The following CSNK2A1 variants were observed in gnomAD, a reference collection of about 807,000 sequenced individuals.
CSNK2A1 encodes the protein casein kinase II subunit alpha.
CSNK2A1 carries 10 observed loss-of-function variants against 62.9 expected under a neutral mutation model. The observed-to-expected ratio is 0.16, with a 90% CI of 0.10 to 0.27. The LOEUF is 0.27. CSNK2A1 is among the 10% of genes least tolerant of loss of function. CSNK2A1 has a pLI of 1.00. For missense variants in CSNK2A1, 160 were observed against 492.0 expected, an observed-to-expected ratio of 0.33 and a Z score of 6.38; for synonymous variants, 124 against 167.8, an observed-to-expected ratio of 0.74 and a Z score of 2.02.
chr20:522,119 T>C (rs1049384674), intron 2 of CSNK2A1, among the ~76,000 whole-genome samples: 1 of 152,208 alleles, frequency 6.6e-6, no homozygotes, highest in African/African-American at 2.4e-5. Flanking sequence ...AGGAGAACCC[T>C]ATTGTGAACT....
intron 2 of CSNK2A1, among the ~76,000 whole-genome samples, chr20:524,197 G>A (rs2019016475): frequency 6.6e-6 from 1 of 151,798 alleles, no homozygotes; most frequent in Non-Finnish European, 1.5e-5. Context: ...GCTGAGGTGG[G>A]CAGATCACCT....
chr20:520,250 C>G (rs2018916809), intron 2 of CSNK2A1, among the ~76,000 whole-genome samples: 1 of 151,826 alleles, frequency 6.6e-6, no homozygotes, highest in Non-Finnish European at 1.5e-5. Context: ...AAAAAGAAAT[C>G]CAAATGAACC....
In CSNK2A1 at chr20:477,585, T is replaced by A. The variant is rs2017872228; in HGVS notation, c.*6376A>T. On this transcript the variant is annotated 3_prime_UTR_variant, in exon 14 of 14. Coordinates refer to ENST00000217244, the MANE Select transcript of CSNK2A1 (RefSeq NM_177559.3). ...AGTGCCACAGCATTGTTTCAGTTTC[T>A]ATCTTAGAAAGCCCGGGAGTCTGTG... The A allele has an allele frequency of 6.6e-6, 1 of 152,368 alleles. No individual in the cohort carries two copies. Among genetic ancestry groups the A allele is most frequent in the Non-Finnish European group, 1.5e-5 (1 of 68,176 alleles). 9.4% of individuals were successfully genotyped at this position (152,368 alleles called of 1,614,324 possible).
intron 4 of CSNK2A1, chr20:504,339 T>G (rs530918296): frequency 6.6e-6 from 1 of 152,200 alleles, no homozygotes; most frequent in Non-Finnish European, 1.5e-5. Flanking sequence ...AAACTTCTAC[T>G]TTTCAGTGTC....
intron 1 of CSNK2A1, among the ~76,000 whole-genome samples, chr20:532,707 T>C (rs1434797532): frequency 1.3e-5 from 2 of 152,144 alleles, no homozygotes; most frequent in African/African-American, 4.8e-5. Context: ...ACGACCTGAA[T>C]AGTCAAAATC....
intron 2 of CSNK2A1, among the ~76,000 whole-genome samples, chr20:519,889 T>TA (rs1380060344): frequency 6.6e-6 from 1 of 152,100 alleles, no homozygotes; most frequent in Non-Finnish European, 1.5e-5. Context: ...TACATAACAA[T>TA]AAAAACACAG....
In CSNK2A1 at chr20:505,227, T is replaced by C. The variant is rs1395098001; in HGVS notation, c.104A>G (p.Asn35Ser). Residue 35 changes from asparagine to serine, a missense_variant and splice_region_variant, in exon 4 of 14, where the codon AAT becomes AGT. Physicochemically the swap from Asn to Ser is conservative, Grantham distance 46. Coordinates refer to ENST00000217244, the MANE Select transcript of CSNK2A1 (RefSeq NM_177559.3). ...TCGAACCAGCTGGTAGTCATCTTGA[T>C]TTCTGTGGACACAAACAAAATGACT... ...DYESHVVEWG[N>S]QDDYQLVRKL... is the part of the protein sequence containing the mutation. 3 of 1,612,808 alleles carry C rather than the reference T, an allele frequency of 1.9e-6. No homozygotes were observed. Among genetic ancestry groups the C allele is most frequent in the Non-Finnish European group, 2.5e-6 (3 of 1,179,218 alleles).
At chr20:485,112 ATATAT>A (rs1415685948) in intron 13 of CSNK2A1, among the ~76,000 whole-genome samples, 2 of 40,452 alleles carry the variant, frequency 4.9e-5, no homozygotes, top group Non-Finnish European at 8.9e-5. Flanking sequence ...AAAAAAAAAT[ATATAT>A]ATATATATAT....
At chr20:522,292 A>G (rs1020138170) in intron 2 of CSNK2A1, among the ~76,000 whole-genome samples, 1 of 152,248 alleles carries the variant, frequency 6.6e-6, no homozygotes, top group Non-Finnish European at 1.5e-5. Flanking sequence ...TAGCAACTCT[A>G]CAGTAGAAAA....
chr20:532,408 A>G (rs564465941), intron 1 of CSNK2A1, among the ~76,000 whole-genome samples: 103 of 146,238 alleles, frequency 7.0e-4, no homozygotes, highest in Non-Finnish European at 6.7e-4. Flanking sequence ...TGAACTCCTG[A>G]TCTTGTGATC....
intron 4 of CSNK2A1, chr20:503,627 T>TA: frequency 2.5e-6 from 1 of 398,578 alleles, no homozygotes; most frequent in Non-Finnish European, 4.4e-6. Flanking sequence ...TGGATTGTGT[T>TA]ATACTCCTCG....
intron 11 of CSNK2A1, 138 bp from the exon 12 acceptor site, chr20:487,713 C>T: frequency 9.5e-6 from 11 of 1,154,520 alleles, no homozygotes; most frequent in South Asian, 7.5e-5. Context: ...TAGTCTTGCA[C>T]CGCTCTGCCA....
chr20:509,912 A>G (rs2018680598), intron 2 of CSNK2A1, among the ~76,000 whole-genome samples: 1 of 152,164 alleles, frequency 6.6e-6, no homozygotes, highest in Admixed American at 6.5e-5. Flanking sequence ...ACATTCAGAA[A>G]AAGAGGAAGT....
chr20:499,640 TAAGA>T lies in CSNK2A1; in HGVS notation c.315+189_315+192del. On this transcript the variant is annotated intron_variant, in intron 5 of 13. Transcript: ENST00000217244. This position sits in a 1 kb window ranked among gnomAD's most constrained non-coding sequence, Gnocchi z 4.2. ...CTATCAGTCTCTTAGCCTAGAAGAA[TAAGA>T]AATAGTCTGTGGGTGGAGGTCTCTT... 1.7e-6 allele frequency: 1 copy of T among 603,036 alleles called. No homozygotes were observed. Among genetic ancestry groups the T allele is most frequent in the Non-Finnish European group, 2.9e-6 (1 of 341,822 alleles). 37.4% of individuals were successfully genotyped at this position (603,036 alleles called of 1,614,324 possible).
rs149053696 is a variant in CSNK2A1 at position 495,474 on chromosome 20, C to T, written c.510+245G>A. ...ACTCAATAAATAAGGCGAGAAGCCACGTTTCCGGGCTTAGAAGATGAACAT... is the reference window on the plus strand; with the variant it reads ...ACTCAATAAATAAGGCGAGAAGCCATGTTTCCGGGCTTAGAAGATGAACAT... On this transcript the variant is annotated intron_variant, in intron 8 of 13. Transcript: ENST00000217244. The T allele has an allele frequency of 2.4e-5, 10 of 420,302 alleles. No individual in the cohort carries two copies. The East Asian group carries it at 2.6e-4, about 11-fold the overall frequency. The allele number at this position is 420,302 out of a possible 1,614,324, so 26.0% of individuals were successfully genotyped here.
At chr20:529,190 AT>A (rs34902417) in intron 1 of CSNK2A1, among the ~76,000 whole-genome samples, 3,680 of 137,064 alleles carry the variant, frequency 0.027, 130 homozygotes, top group African/African-American at 0.091. Context: ...ACTCCTGGCT[AT>A]TTTTTTTTTT....
chr20:533,001 C>A (rs1345198177), intron 1 of CSNK2A1, among the ~76,000 whole-genome samples: 1 of 152,116 alleles, frequency 6.6e-6, no homozygotes, highest in Non-Finnish European at 1.5e-5. Flanking sequence ...CATATTGATT[C>A]TCTTTTCCCA....
rs1189510514 is a variant in CSNK2A1 at position 543,746 on chromosome 20, G to A, written c.-301C>T. On this transcript the variant is annotated 5_prime_UTR_variant, in exon 1 of 14. Coordinates refer to ENST00000217244, the MANE Select transcript of CSNK2A1 (RefSeq NM_177559.3). ...AGACAATATGGCGGCGATGGAGGAG[G>A]AGACACACGGCTCGGCCGCCAGCCG... The A allele has an allele frequency of 1.3e-5, 5 of 398,334 alleles. No homozygotes were observed. In the East Asian group the frequency reaches 1.8e-4, roughly 14 times the overall value. 24.7% of individuals were successfully genotyped at this position (398,334 alleles called of 1,614,324 possible). A position where few individuals can be genotyped will look rare whatever the true frequency, so the allele number is the denominator to read the frequency against.
At chr20:495,548 T>C (rs1237220408) in intron 8 of CSNK2A1, 171 bp downstream of exon 8, 5 of 542,938 alleles carry the variant, frequency 9.2e-6, no homozygotes, top group Non-Finnish European at 1.6e-5. Context: ...CTTAGGAATA[T>C]AAATAATGGT....
Sources: gnomAD v4.1 joint callset for allele counts (sites outside exome capture counted in the v4.1 genomes callset) on GRCh38, gnomAD v4.1.1 for gene constraint, Gnocchi (gnomAD v3.1) non-coding constraint, MANE v1.5 for transcripts, NCBI Gene and HGNC (gene_info 2026-07-23, HGNC 2026-07-21) for gene names.